FOXJ3: variants seen among roughly 807,000 people sequenced by gnomAD.
The protein encoded by FOXJ3 is forkhead box J3, also known as forkhead box protein J3.
A neutral mutation model predicts 76.1 loss-of-function variants in FOXJ3; 22 were observed. That is an observed-to-expected ratio of 0.29 (90% CI 0.21 to 0.41). The LOEUF is 0.41. Among genes scored for constraint, FOXJ3 ranks in the 10% least tolerant of loss-of-function variants. The pLI is 1.00. For missense variants in FOXJ3, 613 were observed against 762.1 expected, an observed-to-expected ratio of 0.80 and a Z score of 2.30; for synonymous variants, 269 against 261.2, an observed-to-expected ratio of 1.03 and a Z score of -0.29.
chr1:42,334,000 A>G, intron 1 of FOXJ3: 1 of 186,542 alleles, frequency 5.4e-6, no homozygotes, highest in Non-Finnish European at 1.0e-5. Flanking sequence ...TCCTTCAGGA[A>G]TTAGAGTGAA....
At chr1:42,206,112 C>G (rs1646856536) in intron 5 of FOXJ3, 1 of 394,494 alleles carries the variant, frequency 2.5e-6, no homozygotes, top group Non-Finnish European at 4.5e-6. Flanking sequence ...ACAAAAATTA[C>G]AAATAAACTT....
chr1:42,326,410 T>A (rs1237615527), intron 1 of FOXJ3, among the ~76,000 whole-genome samples: 1 of 152,222 alleles, frequency 6.6e-6, no homozygotes, highest in Non-Finnish European at 1.5e-5. Flanking sequence ...TTACCCATTA[T>A]GATGCATTCT....
chr1:42,254,812 T>C (rs1459938313), intron 4 of FOXJ3, among the ~76,000 whole-genome samples: 4 of 128,868 alleles, frequency 3.1e-5, no homozygotes, highest in Non-Finnish European at 4.7e-5. Flanking sequence ...TGGGGACTGT[T>C]GTGGGGTGGG....
chr1:42,304,215 A>G (rs962618526), intron 2 of FOXJ3, among the ~76,000 whole-genome samples: 1 of 152,160 alleles, frequency 6.6e-6, no homozygotes, highest in Non-Finnish European at 1.5e-5. Context: ...AGACCTCCAC[A>G]ATGAAAACCA....
At chr1:42,285,235 T>A (rs1177438671) in intron 2 of FOXJ3, among the ~76,000 whole-genome samples, 1 of 152,136 alleles carries the variant, frequency 6.6e-6, no homozygotes, top group Non-Finnish European at 1.5e-5. Context: ...AAGCCTGGCA[T>A]CCATTAGCTA....
chr1:42,317,372 CTCTAGCTAAACCTG>C (rs1655175332), intron 1 of FOXJ3, among the ~76,000 whole-genome samples: 1 of 152,170 alleles, frequency 6.6e-6, no homozygotes, highest in Non-Finnish European at 1.5e-5. Flanking sequence ...ATCCCAGCCA[CTCTAGCTAAACCTG>C]AAGGCAGAGG....
chr1:42,268,878 T>C (rs1280472779), intron 3 of FOXJ3, among the ~76,000 whole-genome samples: 1 of 152,130 alleles, frequency 6.6e-6, no homozygotes, highest in Non-Finnish European at 1.5e-5. Context: ...TCCTCATGAA[T>C]GAGACTAGTG....
chr1:42,187,008 C>T (rs1331206610), intron 11 of FOXJ3, among the ~76,000 whole-genome samples: 1 of 152,098 alleles, frequency 6.6e-6, no homozygotes, highest in African/African-American at 2.4e-5. Context: ...CCACCAGGTC[C>T]GGCTAATTTT....
At position 42,181,954 on chromosome 1, in the gene FOXJ3, G is replaced by C. The variant is rs370558753; in HGVS notation, c.1716C>G (p.Ile572Met). The change falls in exon 12 of 13, where the codon ATC becomes ATG. Residue 572 changes from isoleucine to methionine, a missense_variant. By Grantham distance (10) the Ile-to-Met change is conservative. Coordinates refer to ENST00000361346, the MANE Select transcript of FOXJ3 (RefSeq NM_014947.5). ...SVMPPPGYPH[I>M]PQALSTPGTT... ...TTCCTGGAGTGCTGAGTGCCTGTGG[G>C]ATATGAGGATAACCAGGGGGTGGCA... 6.2e-7 allele frequency: 1 copy of C among 1,613,352 alleles called. No homozygotes were observed. The highest frequency in any genetic ancestry group is 8.5e-7 in the Non-Finnish European group (1 of 1,179,516).
At chr1:42,304,519 T>C (rs752595741) in intron 2 of FOXJ3, among the ~76,000 whole-genome samples, 2 of 152,112 alleles carry the variant, frequency 1.3e-5, no homozygotes, top group African/African-American at 4.8e-5. Flanking sequence ...AGAGCTATAG[T>C]AACCAAAACA....
Position 42,194,939 on chromosome 1 carries a change from T to C in FOXJ3, c.885A>G (p.Ser295=), listed in dbSNP as rs775961127. 4 of 1,612,524 alleles carry C rather than the reference T, an allele frequency of 2.5e-6. No homozygotes were observed. The highest frequency in any genetic ancestry group is 3.4e-6 in the Non-Finnish European group (4 of 1,179,396). The change falls in exon 8 of 13, where the codon TCA becomes TCG. Residue 295 remains serine, a synonymous_variant. Coordinates refer to ENST00000361346, the MANE Select transcript of FOXJ3 (RefSeq NM_014947.5). ...AAACTGACTTATAAAGGCTCCGAAA[T>C]GAGGCACTAAGATCTTCAAAATTAT... ...SEYNFEDLSA[S]FRSLYKSVFE...
chr1:42,229,596 T>C (rs1169005422), intron 4 of FOXJ3, among the ~76,000 whole-genome samples: 2 of 152,292 alleles, frequency 1.3e-5, no homozygotes, highest in Admixed American at 6.5e-5. Context: ...TATTTCTATG[T>C]TATCTTTTCA....
chr1:42,279,132 T>C (rs1033225105), intron 2 of FOXJ3, among the ~76,000 whole-genome samples: 9 of 152,064 alleles, frequency 5.9e-5, no homozygotes, highest in Non-Finnish European at 1.3e-4. Context: ...AAAAGTAAGG[T>C]GGAGGCAAGA....
chr1:42,327,252 C>G (rs991097120), intron 1 of FOXJ3, among the ~76,000 whole-genome samples: 1 of 152,142 alleles, frequency 6.6e-6, no homozygotes, highest in African/African-American at 2.4e-5. Context: ...GTTCTGTACA[C>G]AGGGTAGACA....
chr1:42,289,815 C>T lies in FOXJ3; in HGVS notation c.45-11143G>A, dbSNP rs144646843. On this transcript the variant is annotated intron_variant, in intron 2 of 12. Transcript: ENST00000361346. ...AGTTATTTTCAGAGGATCATAAATA[C>T]ATTCTATCTACCTTTAGATTTCTTG... Among the ~76,000 whole-genome samples, 894 of 152,230 alleles carry T rather than the reference C, an allele frequency of 5.9e-3. 16 individuals are homozygous for T. In the South Asian group the frequency reaches 0.06, roughly 10 times the overall value.
intron 1 of FOXJ3, among the ~76,000 whole-genome samples, chr1:42,331,910 T>A (rs1656188553): frequency 6.6e-6 from 1 of 152,208 alleles, no homozygotes; most frequent in Non-Finnish European, 1.5e-5. Context: ...GTTTGTTTCT[T>A]TTTTTAAGGA....
At chr1:42,190,548 T>C (rs1224303131) in intron 9 of FOXJ3, among the ~76,000 whole-genome samples, 1 of 152,088 alleles carries the variant, frequency 6.6e-6, no homozygotes. Context: ...ACTTCATGGA[T>C]AAGGAAACCA....
chr1:42,201,937 TAA>T (rs1434634520), intron 6 of FOXJ3, among the ~76,000 whole-genome samples: 10 of 152,162 alleles, frequency 6.6e-5, no homozygotes, highest in Non-Finnish European at 4.4e-5. Context: ...CCAGTTTTGA[TAA>T]GTCATTTTTT....
At chr1:42,217,120 G>T (rs987241754) in intron 5 of FOXJ3, among the ~76,000 whole-genome samples, 1 of 152,078 alleles carries the variant, frequency 6.6e-6, no homozygotes, top group Non-Finnish European at 1.5e-5. Flanking sequence ...ATGACAAATC[G>T]CAAGAGGCAT....
Sources: gnomAD v4.1 joint callset for allele counts (sites outside exome capture counted in the v4.1 genomes callset) on GRCh38, gnomAD v4.1.1 for gene constraint, MANE v1.5 for transcripts, NCBI Gene and HGNC (gene_info 2026-07-23, HGNC 2026-07-21) for gene names.